RGS3: variants seen among roughly 807,000 people sequenced by gnomAD.
RGS3 encodes the protein regulator of G protein signaling 3, also known as regulator of G-protein signalling 3.
A neutral mutation model predicts 132.6 loss-of-function variants in RGS3; 80 were observed. The observed-to-expected ratio is 0.60, with a 90% confidence interval of 0.50 to 0.73. The LOEUF (loss-of-function observed/expected upper bound fraction) is 0.73, where lower values mean the gene tolerates loss of function less well. Ranked by LOEUF, RGS3 falls within the 30% of genes least tolerant of loss-of-function variation. RGS3 has a pLI of 0.00. For synonymous variants in RGS3, 598 were observed against 620.6 expected, an observed-to-expected ratio of 0.96 and a Z score of 0.54; for missense variants, 1,382 against 1,530.8, an observed-to-expected ratio of 0.90 and a Z score of 1.62.
chr9:113,562,442 A>G (rs1316506922), intron 19 of RGS3, among the ~76,000 whole-genome samples: 2 of 147,684 alleles, frequency 1.4e-5, no homozygotes, highest in African/African-American at 2.5e-5. Context: ...GTGCCACTGC[A>G]CTCCAGCCTG....
At chr9:113,564,865 G>T in intron 19 of RGS3, 1 of 942,532 alleles carries the variant, frequency 1.1e-6, no homozygotes, top group Non-Finnish European at 1.3e-6. Flanking sequence ...CAGGAGCCTG[G>T]GTTCAGTTGC....
exon 15 of RGS3, chr9:113,514,609 C>T (rs764131290): frequency 4.6e-5 from 75 of 1,613,886 alleles, no homozygotes; most frequent in Non-Finnish European, 5.7e-5. Context: ...ATGGCACCTA[C>T]GTCACCCTGG....
At position 113,561,079 on chromosome 9, in the gene RGS3, A is replaced by G. The variant is rs899595415; in HGVS notation, c.2038-22371A>G. 2.6e-5 allele frequency among the ~76,000 whole-genome samples: 4 copies of G among 152,022 alleles called. No individual in the cohort carries two copies. The East Asian group carries it at 7.7e-4, about 29-fold the overall frequency. On this transcript the variant is annotated intron_variant, in intron 19 of 24. Transcript: ENST00000350696. ...TGCTCTGTTGCCCAGGCTGGAGTGC[A>G]GTGATGTGATCTCGGCTCACTGCAA...
intron 19 of RGS3, among the ~76,000 whole-genome samples, chr9:113,564,357 G>T (rs538230107): frequency 2.0e-5 from 3 of 152,308 alleles, no homozygotes; most frequent in Admixed American, 6.5e-5. Flanking sequence ...AGAGCTCTGG[G>T]AACAGGGCCT....
At position 113,583,916 on chromosome 9, in the gene RGS3, G is replaced by A. The variant is rs770468844; in HGVS notation, c.2504G>A (p.Ser835Asn). ...AAGGCCCTTACTGAGGACACCATGA[G>A]CTCCGGGGACCTACTAGCAGCTACT... The change falls in exon 20 of 25, where the codon AGC becomes AAC. Residue 835 changes from serine to asparagine, a missense_variant. Transcript: ENST00000350696. 1.9e-6 allele frequency: 3 copies of A among 1,613,978 alleles called. No homozygotes were observed. In the African/African-American group the frequency reaches 4.0e-5, roughly 22 times the overall value.
chr9:113,543,637 C>T (rs1296448694), intron 19 of RGS3, among the ~76,000 whole-genome samples: 1 of 152,224 alleles, frequency 6.6e-6, no homozygotes, highest in Non-Finnish European at 1.5e-5. Flanking sequence ...ACAGGAGACT[C>T]GCCTGTCTGG....
chr9:113,472,343 T>C (rs1034423644), intron 3 of RGS3, among the ~76,000 whole-genome samples: 1 of 152,198 alleles, frequency 6.6e-6, no homozygotes, highest in Non-Finnish European at 1.5e-5. Context: ...GCATTATTCA[T>C]AGTAGCCAAA....
intron 23 of RGS3, chr9:113,595,367 C>T: frequency 1.8e-6 from 1 of 568,308 alleles, no homozygotes; most frequent in Non-Finnish European, 3.1e-6. Context: ...CGATAGTCCC[C>T]ATTTCACAGA....
chr9:113,565,364 T>C lies in RGS3; in HGVS notation c.2038-18086T>C, dbSNP rs1169838962. 7.8e-7 allele frequency: 1 copy of C among 1,287,700 alleles called. No individual in the cohort carries two copies. The highest frequency in any genetic ancestry group is 2.3e-5 in the Admixed American group (1 of 43,300). The allele number at this position is 1,287,700 out of a possible 1,614,324, so 79.8% of individuals were successfully genotyped here. A position where few individuals can be genotyped will look rare whatever the true frequency, so the allele number is the denominator to read the frequency against. On this transcript the variant is annotated intron_variant, in intron 19 of 24. Coordinates refer to ENST00000350696, the Ensembl canonical transcript of RGS3. This position sits in a 1 kb window ranked among gnomAD's most constrained non-coding sequence, Gnocchi z 5.7. ...TGGCGGTGGCCGGCTAGACAGGGTGTGTGTTTGGGAAAGGCGCTGGAGGAG... is the reference window on the plus strand; with the variant it reads ...TGGCGGTGGCCGGCTAGACAGGGTGCGTGTTTGGGAAAGGCGCTGGAGGAG...
chr9:113,576,973 A>G (rs888452008), intron 19 of RGS3, among the ~76,000 whole-genome samples: 2 of 152,158 alleles, frequency 1.3e-5, no homozygotes, highest in Non-Finnish European at 2.9e-5. Flanking sequence ...AGATTAATCA[A>G]CTTTTTAATT....
At chr9:113,474,857 C>G (rs1426051423) in intron 3 of RGS3, among the ~76,000 whole-genome samples, 7 of 152,306 alleles carry the variant, frequency 4.6e-5, no homozygotes, top group Non-Finnish European at 2.9e-5. Flanking sequence ...GGGACACATT[C>G]CGGCTGATCC....
intron 19 of RGS3, among the ~76,000 whole-genome samples, chr9:113,577,857 T>A (rs1452917057): frequency 2.6e-5 from 4 of 152,258 alleles, no homozygotes. Context: ...TTATCCTGTG[T>A]TTATGGCAGT....
At chr9:113,447,077 CA>C (rs1252805971) in intron 1 of RGS3, among the ~76,000 whole-genome samples, 1 of 151,302 alleles carries the variant, frequency 6.6e-6, no homozygotes, top group Non-Finnish European at 1.5e-5. Context: ...CTGGCTAACA[CA>C]GTGAAACCCT....
At chr9:113,495,837 T>C in exon 8 of RGS3, 1 of 1,613,976 alleles carries the variant, frequency 6.2e-7, no homozygotes, top group South Asian at 1.1e-5. Context: ...CTCTCCTGAC[T>C]CCAGACAAGG....
Position 113,507,460 on chromosome 9 carries a change from A to G in RGS3, c.1259A>G (p.Gln420Arg), listed in dbSNP as rs1831182898. 2.5e-6 allele frequency: 4 copies of G among 1,613,596 alleles called. No homozygotes were observed. The highest frequency in any genetic ancestry group is 3.4e-6 in the Non-Finnish European group (4 of 1,179,998). Residue 420 changes from glutamine (Q) to arginine (R), a missense_variant, in exon 13 of 25, where the codon CAG becomes CGG. Physicochemically the swap from Gln to Arg is conservative, Grantham distance 43. Coordinates refer to ENST00000350696, the Ensembl canonical transcript of RGS3. The surrounding 1 kb of genome is among the most constrained non-coding windows in gnomAD (Gnocchi z 5.0). ...CATGGGGTCCAGGCACGGCCTGAGC[A>G]GCGCCACAGCTGCCACCTGGTATGT...
At chr9:113,562,218 G>A (rs766570099) in intron 19 of RGS3, among the ~76,000 whole-genome samples, 6 of 152,156 alleles carry the variant, frequency 3.9e-5, no homozygotes, top group Non-Finnish European at 7.4e-5. Context: ...GCTCTTGCCC[G>A]TAATCCCAGC....
At chr9:113,545,590 A>G (rs1833076208) in intron 19 of RGS3, among the ~76,000 whole-genome samples, 1 of 152,166 alleles carries the variant, frequency 6.6e-6, no homozygotes, top group African/African-American at 2.4e-5. Flanking sequence ...TGAAGAAGAC[A>G]GTGCAACCTT....
intron 20 of RGS3, among the ~76,000 whole-genome samples, chr9:113,586,684 C>T (rs1835131768): frequency 6.6e-6 from 1 of 152,210 alleles, no homozygotes; most frequent in Non-Finnish European, 1.5e-5. Context: ...TGCCCTCTTC[C>T]ACCAGTAGCT....
intron 17 of RGS3, among the ~76,000 whole-genome samples, chr9:113,524,322 C>T (rs1381184964): frequency 6.6e-6 from 1 of 152,184 alleles, no homozygotes; most frequent in African/African-American, 2.4e-5. Context: ...TCTGCTTCCC[C>T]CTCCCTGCCC....
Sources: gnomAD v4.1 joint callset for allele counts (sites outside exome capture counted in the v4.1 genomes callset) on GRCh38, gnomAD v4.1.1 for gene constraint, Gnocchi (gnomAD v3.1) non-coding constraint, MANE v1.5 for transcripts, NCBI Gene and HGNC (gene_info 2026-07-23, HGNC 2026-07-21) for gene names.